ESYT2: variants seen among roughly 807,000 people sequenced by gnomAD.
ESYT2 encodes extended synaptotagmin-2.
Under a neutral mutation model 107.2 loss-of-function variants are expected in ESYT2, and 54 were observed. That is an observed-to-expected ratio of 0.50 (90% CI 0.40 to 0.63). The LOEUF (loss-of-function observed/expected upper bound fraction) is 0.63. ESYT2 is among the 30% of genes least tolerant of loss of function. ESYT2 has a pLI of 0.00. For synonymous variants in ESYT2, 491 were observed against 434.1 expected (o/e 1.13, Z -1.63); for missense variants, 1,020 against 1,094.5 (o/e 0.93, Z 0.96).
Position 158,741,573 on chromosome 7 carries a change from CGA to C in ESYT2, c.2116_2117del (p.Ser706AlafsTer57). The stretch of plus-strand genomic sequence containing the variant: ...GCAGCTCCTGGGTGGCGATGGGCAG[CGA>C]GATGTCCGAGGCGATGCTGGGGGTC... ...EPTPSIASDISLPIATQELRQ... is the reference protein window; with the variant it reads ...EPTPSIASDIXLPIATQELRQ... On this transcript the variant is annotated frameshift_variant, in exon 18 of 23. Coordinates refer to ENST00000275418, the MANE Select transcript of ESYT2 (RefSeq NM_001367773.1). 6.2e-7 allele frequency: 1 copy of C among 1,606,132 alleles called. No individual in the cohort carries two copies. Among genetic ancestry groups the C allele is most frequent in the African/African-American group, 1.3e-5 (1 of 74,908 alleles).
At chr7:158,795,388 A>C (rs1839427151) in intron 3 of ESYT2, among the ~76,000 whole-genome samples, 1 of 152,240 alleles carries the variant, frequency 6.6e-6, no homozygotes, top group Admixed American at 6.5e-5. Context: ...AACATAATTA[A>C]ATTATTCCTA....
At position 158,743,586 on chromosome 7, in the gene ESYT2, G is replaced by C; in HGVS notation, c.1737C>G (p.Arg579=). Residue 579 remains arginine, a synonymous_variant, in exon 17 of 23, where the codon CGC becomes CGG. Transcript: ENST00000275418. ...LTSEDMTVSQ[R]FQLSNSGPNS... ...TTGGACCCGAGTTACTGAGCTGGAA[G>C]CGCTGGCTCACAGTCATGTCCTCAC... 9 of 1,613,278 alleles carry C rather than the reference G, an allele frequency of 5.6e-6. No individual in the cohort carries two copies. The highest frequency in any genetic ancestry group is 7.6e-6 in the Non-Finnish European group (9 of 1,179,794).
intron 1 of ESYT2, 70 bp downstream of exon 1, chr7:158,829,019 G>A: frequency 6.5e-7 from 1 of 1,528,782 alleles, no homozygotes; most frequent in Non-Finnish European, 8.7e-7. Flanking sequence ...GGGGAGGGGA[G>A]TGCCTGCCTG....
At position 158,743,679 on chromosome 7, in the gene ESYT2, C is replaced by T; in HGVS notation, c.1645-1G>A. The T allele has an allele frequency of 6.2e-7, 1 of 1,606,970 alleles. No homozygotes were observed. Among genetic ancestry groups the T allele is most frequent in the Non-Finnish European group, 8.5e-7 (1 of 1,178,132 alleles). ...AACACTGGTGCTGCTCGTCTCTGAC[C>T]TGCAAAACACAGGGTGGAAACACTG... On this transcript the variant is annotated splice_acceptor_variant, in intron 16 of 22. Coordinates refer to ENST00000275418, the MANE Select transcript of ESYT2 (RefSeq NM_001367773.1). LOFTEE classifies it high-confidence loss of function.
intron 4 of ESYT2, among the ~76,000 whole-genome samples, chr7:158,792,514 C>CA (rs1839329468): frequency 6.6e-6 from 1 of 150,388 alleles, no homozygotes; most frequent in Non-Finnish European, 1.5e-5. Flanking sequence ...AGTGATAAGG[C>CA]AAGACCCTGT....
intron 18 of ESYT2, 50 bp downstream of exon 18, chr7:158,741,473 G>GC (rs769719755): frequency 3.6e-5 from 49 of 1,363,882 alleles, no homozygotes; most frequent in East Asian, 7.7e-5. Context: ...AGCGTGGGGT[G>GC]GGGGGCGCTT....
At chr7:158,785,950 T>C (rs1218556457) in intron 6 of ESYT2, among the ~76,000 whole-genome samples, 1 of 152,226 alleles carries the variant, frequency 6.6e-6, no homozygotes, top group Non-Finnish European at 1.5e-5. Flanking sequence ...AAAACCTTTC[T>C]AGAAATATCT....
At chr7:158,806,066 G>A (rs948463517) in intron 1 of ESYT2, among the ~76,000 whole-genome samples, 11 of 151,942 alleles carry the variant, frequency 7.2e-5, no homozygotes, top group Non-Finnish European at 1.5e-4. Flanking sequence ...GCCGGCGCCG[G>A]GGCACACCGC....
intron 20 of ESYT2, among the ~76,000 whole-genome samples, chr7:158,736,200 G>T (rs1195080416): frequency 6.6e-6 from 1 of 151,124 alleles, no homozygotes; most frequent in African/African-American, 2.4e-5. Context: ...AAATGCCTCG[G>T]ATGGGTAGGA....
intron 4 of ESYT2, among the ~76,000 whole-genome samples, chr7:158,788,753 G>A (rs1244060538): frequency 6.6e-6 from 1 of 152,212 alleles, no homozygotes; most frequent in Non-Finnish European, 1.5e-5. Flanking sequence ...TGCAACTTCT[G>A]AAGCAGTCTT....
At chr7:158,799,818 G>T (rs1412900414) in intron 1 of ESYT2, among the ~76,000 whole-genome samples, 1 of 152,028 alleles carries the variant, frequency 6.6e-6, no homozygotes, top group African/African-American at 2.4e-5. Context: ...CTGGAGAAGG[G>T]TTTGTACAGG....
intron 1 of ESYT2, among the ~76,000 whole-genome samples, chr7:158,806,881 T>C (rs889670291): frequency 1.3e-5 from 2 of 152,182 alleles, no homozygotes; most frequent in African/African-American, 4.8e-5. Context: ...TTAATTCAAA[T>C]ATACACGCTT....
intron 18 of ESYT2, among the ~76,000 whole-genome samples, chr7:158,740,864 C>A (rs1044510966): frequency 2.5e-4 from 38 of 152,248 alleles, no homozygotes; most frequent in Middle Eastern, 3.4e-3. Flanking sequence ...GTTTCTGTTA[C>A]TATTTTCTTA....
chr7:158,797,158 G>GT (rs1399885862), intron 3 of ESYT2, among the ~76,000 whole-genome samples: 1 of 152,268 alleles, frequency 6.6e-6, no homozygotes, highest in East Asian at 1.9e-4. Context: ...GAAGCTGTCT[G>GT]TTTTTTGAAA....
intron 1 of ESYT2, among the ~76,000 whole-genome samples, chr7:158,813,440 G>A (rs962658906): frequency 2.6e-4 from 40 of 152,042 alleles, no homozygotes; most frequent in African/African-American, 9.7e-4. Flanking sequence ...TATCAACTCG[G>A]GCTCATTAGT....
At chr7:158,800,955 G>T (rs1338663068) in intron 1 of ESYT2, among the ~76,000 whole-genome samples, 1 of 152,006 alleles carries the variant, frequency 6.6e-6, no homozygotes, top group Non-Finnish European at 1.5e-5. Context: ...CCTCACTGTA[G>T]GCATGGGTGC....
chr7:158,741,850 G>T lies in ESYT2; in HGVS notation c.1841C>A (p.Ser614Ter). 2 of 1,613,554 alleles carry T rather than the reference G, an allele frequency of 1.2e-6. No homozygotes were observed. Among genetic ancestry groups the T allele is most frequent in the South Asian group, 1.1e-5 (1 of 91,014 alleles). The part of the protein sequence containing the change: ...KRERPPDHQH[S>*]AQVKRPSVSK... ...CACAGAGGGACGTTTGACTTGAGCT[G>T]AGTGTTGGTGGTCTGGAGGCCTTTC... is the stretch of plus-strand genomic sequence containing the variant. The change falls in exon 18 of 23, where the codon TCA becomes TAA. Residue 614 changes from serine (S) to a stop codon, truncating the protein, a stop_gained. Coordinates refer to ENST00000275418, the MANE Select transcript of ESYT2 (RefSeq NM_001367773.1). LOFTEE classifies it high-confidence loss of function.
rs3763415 is a variant in ESYT2 at position 158,763,290 on chromosome 7, A to G, written c.1102-125T>C. ...TCTGGTGGTAAATCCTTATTTATTT[A>G]TTTATTTATTTATTTATTTCTGGAG... On this transcript the variant is annotated intron_variant, in intron 9 of 22. Transcript: ENST00000275418. The G allele has an allele frequency of 8.2e-3, 3,177 of 388,734 alleles. 232 individuals carry two copies. In the East Asian group the frequency reaches 0.12, roughly 15 times the overall value. 24.1% of individuals were successfully genotyped at this position (388,734 alleles called of 1,614,324 possible). A position where few individuals can be genotyped will look rare whatever the true frequency, so the allele number is the denominator to read the frequency against.
chr7:158,806,047 A>G (rs71547571), intron 1 of ESYT2, among the ~76,000 whole-genome samples: 16,918 of 112,226 alleles, frequency 0.15, 992 homozygotes, highest in African/African-American at 0.17. Flanking sequence ...GGAGGACACT[A>G]GCAGCAGAGC....
Sources: allele counts gnomAD v4.1 joint callset (sites outside exome capture counted in the v4.1 genomes callset), GRCh38; gene constraint gnomAD v4.1.1; transcripts MANE v1.5; gene names NCBI Gene and HGNC (gene_info 2026-07-23, HGNC 2026-07-21).